CACNA1A: variants seen among roughly 807,000 people sequenced by gnomAD.
CACNA1A encodes voltage-dependent P/Q-type calcium channel subunit alpha-1A.
Under a neutral mutation model 262.4 loss-of-function variants are expected in CACNA1A, and 57 were observed. The ratio of observed to expected loss-of-function variants is 0.22; its 90% CI spans 0.18 to 0.27. The LOEUF is 0.27. Among genes scored for constraint, CACNA1A ranks in the 10% least tolerant of loss-of-function variants. CACNA1A has a pLI of 1.00. For missense variants in CACNA1A, 2,526 were observed against 3,562.8 expected (o/e 0.71, Z 7.41); for synonymous variants, 1,431 against 1,419.3 (o/e 1.01, Z -0.18).
chr19:13,469,458 C>CTTTTTTTTTTTTTTTTTTTTTTT (rs1568678224), intron 1 of CACNA1A, among the ~76,000 whole-genome samples: 1 of 133,708 alleles, frequency 7.5e-6, no homozygotes, highest in African/African-American at 2.9e-5. Context: ...CTTGAACCAC[C>CTTTTTTTTTTTTTTTTTTTTTTT]TCTTTTTTTT....
chr19:13,246,441 G>C (rs1482987160), intron 30 of CACNA1A, among the ~76,000 whole-genome samples: 1 of 152,134 alleles, frequency 6.6e-6, no homozygotes, highest in Non-Finnish European at 1.5e-5. Flanking sequence ...GCTACTCTGT[G>C]AGCCTGGGTC....
At chr19:13,437,819 C>T (rs577452029) in intron 3 of CACNA1A, among the ~76,000 whole-genome samples, 111 of 152,024 alleles carry the variant, frequency 7.3e-4, no homozygotes, top group African/African-American at 2.6e-3. Flanking sequence ...CCAATGGAAT[C>T]AGAGCCAGGT....
At chr19:13,473,822 C>T (rs1396142014) in intron 1 of CACNA1A, among the ~76,000 whole-genome samples, 1 of 147,392 alleles carries the variant, frequency 6.8e-6, no homozygotes, top group Non-Finnish European at 1.5e-5. Flanking sequence ...TTTCTCTTTA[C>T]ATCTCAGCGG....
intron 37 of CACNA1A, chr19:13,225,636 A>T (rs1320419100): frequency 6.6e-6 from 1 of 151,480 alleles, no homozygotes; most frequent in African/African-American, 2.4e-5. Flanking sequence ...TTGGGTGGGG[A>T]TTCAGACACA....
intron 26 of CACNA1A, chr19:13,260,227 G>A (rs1358081441): frequency 1.3e-5 from 2 of 154,406 alleles, no homozygotes; most frequent in African/African-American, 4.9e-5. Context: ...CTTTACACTG[G>A]TAACAATATC....
intron 6 of CACNA1A, among the ~76,000 whole-genome samples, chr19:13,355,524 C>T (rs577081549): frequency 2.0e-4 from 31 of 152,302 alleles, no homozygotes; most frequent in African/African-American, 5.3e-4. Context: ...GTTAACCCTG[C>T]GGGCAACCAG....
At chr19:13,290,799 C>T (rs534068968) in intron 19 of CACNA1A, among the ~76,000 whole-genome samples, 3 of 152,158 alleles carry the variant, frequency 2.0e-5, no homozygotes, top group African/African-American at 4.8e-5. Context: ...TGCCATAAAG[C>T]AGGCCCAGTT....
chr19:13,288,004 T>C (rs1233616460), intron 19 of CACNA1A, among the ~76,000 whole-genome samples: 1 of 152,130 alleles, frequency 6.6e-6, no homozygotes, highest in African/African-American at 2.4e-5. Context: ...CGTCTCACTA[T>C]GTTGCCCAGG....
intron 31 of CACNA1A, 154 bp downstream of exon 31, chr19:13,245,028 G>A (rs548396386): frequency 3.1e-6 from 2 of 649,214 alleles, no homozygotes; most frequent in South Asian, 1.8e-5. Flanking sequence ...CCTTGTCCCC[G>A]GGGCCCCAGT....
chr19:13,301,219 G>T (rs1308640113), intron 17 of CACNA1A, among the ~76,000 whole-genome samples: 2 of 151,292 alleles, frequency 1.3e-5, no homozygotes, highest in Non-Finnish European at 2.9e-5. Flanking sequence ...GCCTCCCAAA[G>T]TGCTGGGATT....
intron 30 of CACNA1A, among the ~76,000 whole-genome samples, chr19:13,248,251 G>A (rs2032419841): frequency 6.6e-6 from 1 of 151,894 alleles, no homozygotes; most frequent in African/African-American, 2.4e-5. Context: ...TCTCCCAAAT[G>A]TTATACAGGG....
chr19:13,351,807 T>C (rs1435651584), intron 6 of CACNA1A, among the ~76,000 whole-genome samples: 1 of 152,040 alleles, frequency 6.6e-6, no homozygotes, highest in Non-Finnish European at 1.5e-5. Context: ...CGCATCTGGC[T>C]AATTAAAAAA....
rs1268148205 is a variant in CACNA1A at position 13,209,413 on chromosome 19, C to T, written c.6425G>A (p.Arg2142Gln). Reference sequence around the variant, plus strand: ...CCGCTGGTTCTCCTCGGGCGGGACCCGCTCCAGCGAGTAATCGTCCAGGCG... The same window carrying T: ...CCGCTGGTTCTCCTCGGGCGGGACCTGCTCCAGCGAGTAATCGTCCAGGCG... ...ARRLDDYSLERVPPEENQRHH... is the reference protein window; with the variant it reads ...ARRLDDYSLEQVPPEENQRHH... Residue 2142 changes from arginine to glutamine, a missense_variant, in exon 45 of 47, where the codon CGG (arginine) becomes CAG (glutamine). Around this residue, in one of 17 missense-constraint regions of CACNA1A, gnomAD observed 929 missense variants for 868.1 expected, o/e 1.07. Transcript: ENST00000360228. The T allele has an allele frequency of 1.0e-5, 14 of 1,390,426 alleles. No homozygotes were observed. The highest frequency in any genetic ancestry group is 1.0e-5 in the Non-Finnish European group (11 of 1,067,936). 86.1% of individuals were successfully genotyped at this position (1,390,426 alleles called of 1,614,324 possible). A position where few individuals can be genotyped will look rare whatever the true frequency, so the allele number is the denominator to read the frequency against.
intron 1 of CACNA1A, 100 bp from the exon 2 acceptor site, chr19:13,455,312 G>C: frequency 1.4e-6 from 1 of 698,782 alleles, no homozygotes. Flanking sequence ...AAGCCCTCTA[G>C]ATCCTTCCAA....
At chr19:13,479,577 A>G (rs1256133739) in intron 1 of CACNA1A, among the ~76,000 whole-genome samples, 2 of 152,200 alleles carry the variant, frequency 1.3e-5, no homozygotes, top group Non-Finnish European at 2.9e-5. Flanking sequence ...GGGAAAGGAA[A>G]ATGGCAACTT....
At chr19:13,342,653 CTG>C (rs745311579) in intron 6 of CACNA1A, among the ~76,000 whole-genome samples, 54 of 152,184 alleles carry the variant, frequency 3.5e-4, no homozygotes, top group Non-Finnish European at 7.1e-4. Context: ...GTGGAAATAG[CTG>C]TCATTTTGGA....
chr19:13,267,396 C>T (rs553386905), intron 24 of CACNA1A, among the ~76,000 whole-genome samples: 1 of 152,182 alleles, frequency 6.6e-6, no homozygotes, highest in Non-Finnish European at 1.5e-5. Context: ...CAGTCCCCCG[C>T]CCTTGGCAGG....
In CACNA1A at chr19:13,255,179, G is replaced by A; in HGVS notation, c.4671C>T (p.Arg1557=). 6.2e-7 allele frequency: 1 copy of A among 1,613,902 alleles called. No homozygotes were observed. Residue 1557 remains arginine (R), a synonymous_variant, in exon 29 of 47, where the codon CGC becomes CGT. Coordinates refer to ENST00000360228, the MANE Select transcript of CACNA1A (RefSeq NM_001127222.2). ...GCGGAGACACCACGAACTGCCACAT[G>A]CGGTACTGGAAGCTCTGCTTGTTCT... ...MPQNKQSFQY[R]MWQFVVSPPF...
At chr19:13,287,031 G>T in intron 19 of CACNA1A, 65 bp from the exon 20 acceptor site, 1 of 1,288,834 alleles carries the variant, frequency 7.8e-7, no homozygotes, top group Non-Finnish European at 1.1e-6. Flanking sequence ...AACAGTTCAG[G>T]ATCCTAGCTA....
Sources: allele counts gnomAD v4.1 joint callset (sites outside exome capture counted in the v4.1 genomes callset), GRCh38; gene constraint gnomAD v4.1.1; regional missense constraint gnomAD v4.1.1; transcripts MANE v1.5; gene names NCBI Gene and HGNC (gene_info 2026-07-23, HGNC 2026-07-21).